TOP1: variants seen among roughly 807,000 people sequenced by gnomAD.
TOP1 encodes DNA topoisomerase I, also known as DNA topoisomerase 1.
TOP1 carries 10 observed loss-of-function variants against 111.1 expected under a neutral mutation model. That is an observed-to-expected ratio of 0.09 (90% CI 0.06 to 0.15). The LOEUF is 0.15. TOP1 is among the 10% of genes least tolerant of loss of function. The pLI, the probability that TOP1 is intolerant of heterozygous loss-of-function variation, is 1.00. For missense variants in TOP1, 474 were observed against 926.7 expected (o/e 0.51, Z 6.34); for synonymous variants, 271 against 302.9 (o/e 0.89, Z 1.10).
chr20:41,031,136 G>T (rs1366482619), intron 2 of TOP1, among the ~76,000 whole-genome samples: 1 of 152,200 alleles, frequency 6.6e-6, no homozygotes, highest in Non-Finnish European at 1.5e-5. Flanking sequence ...AGAATTGTCA[G>T]GGGTTGGAGT....
chr20:41,029,185 G>C lies in TOP1; in HGVS notation c.33+85G>C, dbSNP rs886149728. On this transcript the variant is annotated intron_variant, in intron 1 of 20. Transcript: ENST00000361337. The surrounding 1 kb of genome is among the most constrained non-coding windows in gnomAD (Gnocchi z 6.1). Reference sequence around the variant, plus strand: ...GGCGCAGGCCCCGACCCCAGCCCCGGCCCGGCAGCTTTGACAGGCCGGAGC... The same window carrying C: ...GGCGCAGGCCCCGACCCCAGCCCCGCCCCGGCAGCTTTGACAGGCCGGAGC... 8.8e-7 allele frequency: 1 copy of C among 1,135,048 alleles called. No individual in the cohort carries two copies. Among genetic ancestry groups the C allele is most frequent in the Non-Finnish European group, 1.2e-6 (1 of 860,084 alleles). The allele number at this position is 1,135,048 out of a possible 1,614,324, so 70.3% of individuals were successfully genotyped here.
intron 3 of TOP1, among the ~76,000 whole-genome samples, chr20:41,068,941 A>G (rs971202590): frequency 5.3e-5 from 8 of 152,216 alleles, no homozygotes; most frequent in African/African-American, 1.9e-4. Flanking sequence ...GACTCTGTGC[A>G]TCTCTTGCCA....
chr20:41,107,092 CTTTG>C (rs1015386222), intron 13 of TOP1, among the ~76,000 whole-genome samples: 31 of 152,072 alleles, frequency 2.0e-4, no homozygotes, highest in African/African-American at 7.2e-4. Flanking sequence ...ACTCACTCAC[CTTTG>C]TTTACCTGAA....
chr20:41,059,418 A>AAAT (rs1476936000), intron 2 of TOP1, among the ~76,000 whole-genome samples: 1 of 111,046 alleles, frequency 9.0e-6, no homozygotes, highest in Non-Finnish European at 1.9e-5. Context: ...GAAAATAAAT[A>AAAT]AATAAATAAA....
chr20:41,034,657 G>A lies in TOP1; in HGVS notation c.58+5202G>A, dbSNP rs576602869. Among the ~76,000 whole-genome samples, 1 of 152,314 alleles carries A rather than the reference G, an allele frequency of 6.6e-6. No individual in the cohort carries two copies. The highest frequency in any genetic ancestry group is 1.9e-4 in the East Asian group (1 of 5,194). The stretch of plus-strand genomic sequence containing the variant: ...AAATAGATATTGTTGAACATTTTCT[G>A]TGTGTATAGGAAAGATCCTAGATAT... On this transcript the variant is annotated intron_variant, in intron 2 of 20. Coordinates refer to ENST00000361337, the MANE Select transcript of TOP1 (RefSeq NM_003286.4). The surrounding 1 kb of genome is among the most constrained non-coding windows in gnomAD (Gnocchi z 4.0).
chr20:41,093,543 C>T (rs566471964), intron 9 of TOP1, among the ~76,000 whole-genome samples: 3 of 152,064 alleles, frequency 2.0e-5, no homozygotes, highest in Non-Finnish European at 4.4e-5. Context: ...GTCTTTTGGC[C>T]ACTGTTATTT....
chr20:41,041,344 G>A (rs2033261579), intron 2 of TOP1, among the ~76,000 whole-genome samples: 1 of 151,060 alleles, frequency 6.6e-6, no homozygotes, highest in Admixed American at 6.6e-5. Flanking sequence ...CAGCTACTTG[G>A]GAGGCTGAGG....
chr20:41,035,444 G>GAAACA (rs891985184), intron 2 of TOP1, among the ~76,000 whole-genome samples: 1 of 152,118 alleles, frequency 6.6e-6, no homozygotes, highest in African/African-American at 2.4e-5. Flanking sequence ...GCATTCCTAA[G>GAAACA]AAACACCTAG....
chr20:41,124,291 G>GA lies in TOP1; in HGVS notation c.*1001dup, dbSNP rs138925905. The GA allele has an allele frequency of 1.6e-4, 38 of 232,894 alleles. 1 individual carries two copies. The highest frequency in any genetic ancestry group is 1.4e-3 in the South Asian group (8 of 5,518). 14.4% of individuals were successfully genotyped at this position (232,894 alleles called of 1,614,324 possible). ...TTCTTTTGTAATTGTGTAAAAAATG[G>GA]AAAAAAACATAAAAAGCAGAATTTT... is the stretch of plus-strand genomic sequence containing the variant. On this transcript the variant is annotated 3_prime_UTR_variant, in exon 21 of 21. Transcript: ENST00000361337. The surrounding 1 kb of genome is among the most constrained non-coding windows in gnomAD (Gnocchi z 5.4).
intron 2 of TOP1, among the ~76,000 whole-genome samples, chr20:41,053,163 C>T (rs1300518733): frequency 6.6e-6 from 1 of 152,176 alleles, no homozygotes; most frequent in Non-Finnish European, 1.5e-5. Flanking sequence ...AATTTTTCAG[C>T]AATGATAGTA....
At position 41,121,686 on chromosome 20, in the gene TOP1, T is replaced by C. The variant is rs1464085388; in HGVS notation, c.1951-10T>C. ...ACAGCTCATAACCTTACCACTATTATTTCCCCTAGATTGATGCCAAGAAGG... is the reference window on the plus strand; with the variant it reads ...ACAGCTCATAACCTTACCACTATTACTTCCCCTAGATTGATGCCAAGAAGG... On this transcript the variant is annotated splice_polypyrimidine_tract_variant and intron_variant, in intron 18 of 20. Transcript: ENST00000361337. The surrounding 1 kb of genome is among the most constrained non-coding windows in gnomAD (Gnocchi z 4.2). The C allele has an allele frequency of 3.1e-6, 5 of 1,612,066 alleles. No individual in the cohort carries two copies. In the African/African-American group the frequency reaches 6.7e-5, roughly 22 times the overall value.
At chr20:41,113,393 T>G (rs1188751513) in intron 14 of TOP1, among the ~76,000 whole-genome samples, 1 of 152,144 alleles carries the variant, frequency 6.6e-6, no homozygotes, top group Admixed American at 6.5e-5. Flanking sequence ...TTTTTTTTCC[T>G]TTTCTCCATC....
rs1444253739 is a variant in TOP1, at chr20:41,079,363, T to C, written c.336-722T>C. On this transcript the variant is annotated intron_variant, in intron 5 of 20. Coordinates refer to ENST00000361337, the MANE Select transcript of TOP1 (RefSeq NM_003286.4). The surrounding 1 kb of genome is among the most constrained non-coding windows in gnomAD (Gnocchi z 4.0). Reference sequence around the variant, plus strand: ...TATGGTGTTTTTTACTTGTTCCTTCTCTGTTTTGGTTCAAGATGTTTGTCT... The same window carrying C: ...TATGGTGTTTTTTACTTGTTCCTTCCCTGTTTTGGTTCAAGATGTTTGTCT... 1.3e-5 allele frequency among the ~76,000 whole-genome samples: 2 copies of C among 152,206 alleles called. No homozygotes were observed. The highest frequency in any genetic ancestry group is 4.8e-5 in the African/African-American group (2 of 41,438).
intron 2 of TOP1, among the ~76,000 whole-genome samples, chr20:41,044,977 G>C (rs565943962): frequency 2.0e-5 from 3 of 152,178 alleles, no homozygotes; most frequent in Admixed American, 1.3e-4. Flanking sequence ...TAGTAGAGAC[G>C]GGGTTTTGCC....
chr20:41,054,850 A>G (rs927029335), intron 2 of TOP1, among the ~76,000 whole-genome samples: 4 of 152,166 alleles, frequency 2.6e-5, no homozygotes, highest in African/African-American at 9.7e-5. Flanking sequence ...TTTTTTTTAC[A>G]CATTAGCCCT....
rs2033544617 is a variant in TOP1 at position 41,061,514 on chromosome 20, C to T, written c.155+24C>T. The T allele has an allele frequency of 1.3e-6, 2 of 1,559,102 alleles. No individual in the cohort carries two copies. Among genetic ancestry groups the T allele is most frequent in the East Asian group, 2.4e-5 (1 of 41,830 alleles). On this transcript the variant is annotated intron_variant, in intron 3 of 20. Transcript: ENST00000361337. This position sits in a 1 kb window ranked among gnomAD's most constrained non-coding sequence, Gnocchi z 4.6. ...AGGTAAGGGTGGAATCAAGCAAGTC[C>T]CTCATCATTCAGCAGTGGGTTGGCC... is the stretch of plus-strand genomic sequence containing the variant.
At chr20:41,119,377 G>A (rs1410438333) in intron 18 of TOP1, among the ~76,000 whole-genome samples, 1 of 152,192 alleles carries the variant, frequency 6.6e-6, no homozygotes, top group Non-Finnish European at 1.5e-5. Context: ...CATTTTGGGA[G>A]GTTGAGGTGG....
intron 2 of TOP1, among the ~76,000 whole-genome samples, chr20:41,037,242 T>A (rs899830948): frequency 6.6e-6 from 1 of 152,192 alleles, no homozygotes; most frequent in African/African-American, 2.4e-5. Context: ...GTGACTAATT[T>A]CTCAACCATT....
intron 2 of TOP1, among the ~76,000 whole-genome samples, chr20:41,037,794 T>C (rs1194221312): frequency 6.6e-6 from 1 of 152,232 alleles, no homozygotes; most frequent in Non-Finnish European, 1.5e-5. Context: ...TTCATTAGGT[T>C]TAAGCCAAAT....
Sources: gnomAD v4.1 joint callset for allele counts (sites outside exome capture counted in the v4.1 genomes callset) on GRCh38, gnomAD v4.1.1 for gene constraint, Gnocchi (gnomAD v3.1) non-coding constraint, MANE v1.5 for transcripts, NCBI Gene and HGNC (gene_info 2026-07-23, HGNC 2026-07-21) for gene names.